NAV2: variants seen among roughly 807,000 people sequenced by gnomAD.
The protein encoded by NAV2 is helicase, APC down-regulated 1.
A neutral mutation model predicts 223.2 loss-of-function variants in NAV2; 54 were observed. The observed-to-expected ratio is 0.24, with a 90% CI of 0.19 to 0.30. The LOEUF (loss-of-function observed/expected upper bound fraction) is 0.30, where lower values mean the gene tolerates loss of function less well. NAV2 is among the 10% of genes least tolerant of loss of function. The probability of loss-of-function intolerance (pLI) is 1.00; values close to 1 mark genes in which losing one functional copy is unlikely to be tolerated. For synonymous variants in NAV2, 1,279 were observed against 1,239.3 expected (o/e 1.03, Z -0.67); for missense variants, 2,806 against 3,147.5 (o/e 0.89, Z 2.60).
intron 6 of NAV2, among the ~76,000 whole-genome samples, chr11:19,906,969 G>A (rs1047887532): frequency 1.3e-5 from 2 of 152,088 alleles, no homozygotes; most frequent in Non-Finnish European, 2.9e-5. Context: ...GGACACCTGG[G>A]GTCTGGTCCC....
chr11:19,755,917 A>G lies in NAV2; in HGVS notation c.267+41955A>G, dbSNP rs764646098. Among the ~76,000 whole-genome samples, 98 of 152,228 alleles carry G rather than the reference A, an allele frequency of 6.4e-4. 1 individual carries two copies. Among genetic ancestry groups the G allele is most frequent in the Non-Finnish European group, 2.8e-4 (19 of 68,040 alleles). On this transcript the variant is annotated intron_variant, in intron 1 of 37. Transcript: ENST00000349880. The stretch of plus-strand genomic sequence containing the variant: ...TGGACAGGACAACCACCTTACATAT[A>G]GAAATGGTCCAGCGGCAGCAGGCTG...
intron 3 of NAV2, among the ~76,000 whole-genome samples, chr11:19,853,088 G>T (rs183526909): frequency 6.6e-6 from 1 of 152,204 alleles, no homozygotes; most frequent in Non-Finnish European, 1.5e-5. Flanking sequence ...TTATATGTGA[G>T]AGGCACCTGG....
intron 3 of NAV2, among the ~76,000 whole-genome samples, chr11:19,867,460 C>T (rs935017337): frequency 9.9e-5 from 15 of 152,194 alleles, no homozygotes; most frequent in Admixed American, 6.5e-4. Flanking sequence ...TGGTCATCCA[C>T]GGGGCTGGAC....
chr11:19,923,291 G>T (rs142949568), intron 6 of NAV2, among the ~76,000 whole-genome samples: 1 of 152,030 alleles, frequency 6.6e-6, no homozygotes, highest in Non-Finnish European at 1.5e-5. Flanking sequence ...TCAGTTCCCT[G>T]GCAAAAATAC....
intron 3 of NAV2, among the ~76,000 whole-genome samples, chr11:19,861,075 A>G (rs2061752053): frequency 6.8e-6 from 1 of 146,622 alleles, no homozygotes. Flanking sequence ...GGAGAGGGCC[A>G]AAGTCATATT....
intron 1 of NAV2, among the ~76,000 whole-genome samples, chr11:19,579,616 A>C (rs1271767876): frequency 6.6e-6 from 1 of 152,234 alleles, no homozygotes; most frequent in African/African-American, 2.4e-5. Flanking sequence ...GATAGGAAGG[A>C]AATAGACACT....
In NAV2 at chr11:20,103,437, C is replaced by T. The variant is rs756460723; in HGVS notation, c.6572+28C>T. Reference sequence around the variant, plus strand: ...AAAGGCTGGTTCTGGACCTCATAGCCCCCCGGGAGAGAGTGCTGCCAGCTG... The same window carrying T: ...AAAGGCTGGTTCTGGACCTCATAGCTCCCCGGGAGAGAGTGCTGCCAGCTG... On this transcript the variant is annotated intron_variant, in intron 33 of 37. Transcript: ENST00000349880. 3 of 1,604,770 alleles carry T rather than the reference C, an allele frequency of 1.9e-6. No individual in the cohort carries two copies. The South Asian group carries it at 3.4e-5, about 18-fold the overall frequency.
chr11:19,842,724 G>T, intron 2 of NAV2, 147 bp from the exon 3 acceptor site: 1 of 617,442 alleles, frequency 1.6e-6, no homozygotes, highest in Non-Finnish European at 2.9e-6. Flanking sequence ...AAGCTTGCTA[G>T]ATGTGTCTCA....
At chr11:19,502,939 T>C (rs913697505) in intron 1 of NAV2, 4 of 152,204 alleles carry the variant, frequency 2.6e-5, no homozygotes, top group Non-Finnish European at 5.9e-5. Context: ...TTAGTTGAAG[T>C]AGGCATGGAA....
chr11:19,532,767 C>T (rs1053008368), intron 1 of NAV2, among the ~76,000 whole-genome samples: 2 of 152,196 alleles, frequency 1.3e-5, no homozygotes, highest in Non-Finnish European at 2.9e-5. Flanking sequence ...AGCCCAAGGG[C>T]AACCCCTTCT....
At chr11:19,982,326 GGCACGATCTCGGCTCACTGCAACCTCCA>G (rs1019457575) in intron 10 of NAV2, among the ~76,000 whole-genome samples, 2 of 151,946 alleles carry the variant, frequency 1.3e-5, no homozygotes, top group Non-Finnish European at 2.9e-5. Context: ...GGAGAGCAGT[GGCACGATCTCGGCTCACTGCAACCTCCA>G]CCTCCCGGGT....
chr11:19,527,105 T>A (rs1389097592), intron 1 of NAV2, among the ~76,000 whole-genome samples: 2 of 151,932 alleles, frequency 1.3e-5, no homozygotes, highest in Non-Finnish European at 2.9e-5. Context: ...CCAAATCTCG[T>A]CTTGAATTGT....
intron 1 of NAV2, among the ~76,000 whole-genome samples, chr11:19,461,358 AG>A (rs1385608231): frequency 2.0e-5 from 3 of 152,212 alleles, no homozygotes; most frequent in African/African-American, 2.4e-5. Context: ...TAACTTTCGG[AG>A]GGATTTCCTA....
intron 5 of NAV2, among the ~76,000 whole-genome samples, chr11:19,891,641 A>G (rs1330298113): frequency 6.6e-6 from 1 of 152,232 alleles, no homozygotes; most frequent in Non-Finnish European, 1.5e-5. Context: ...GAGACAGGTC[A>G]TCAGGTGTTG....
chr11:19,844,826 T>G (rs994396831), intron 3 of NAV2, among the ~76,000 whole-genome samples: 1 of 150,342 alleles, frequency 6.7e-6, no homozygotes, highest in African/African-American at 2.5e-5. Flanking sequence ...CTGTGTGTTT[T>G]TTTTTTTTTT....
At chr11:19,672,707 C>G (rs953912521) in intron 1 of NAV2, among the ~76,000 whole-genome samples, 2 of 152,114 alleles carry the variant, frequency 1.3e-5, no homozygotes, top group African/African-American at 4.8e-5. Context: ...TAAGAGATGA[C>G]GCAAGCTGGC....
At chr11:19,541,632 C>T (rs1012953950) in intron 1 of NAV2, among the ~76,000 whole-genome samples, 3 of 152,172 alleles carry the variant, frequency 2.0e-5, no homozygotes, top group Admixed American at 1.3e-4. Context: ...ATCTTTTTGA[C>T]CCACTTGAGA....
intron 10 of NAV2, among the ~76,000 whole-genome samples, chr11:19,950,537 C>G (rs1428289498): frequency 6.6e-6 from 1 of 152,232 alleles, no homozygotes; most frequent in Non-Finnish European, 1.5e-5. Context: ...TTTGATTTTT[C>G]TCTGTTCTAC....
intron 1 of NAV2, among the ~76,000 whole-genome samples, chr11:19,392,557 G>A (rs2729857): frequency 0.93 from 141,421 of 152,138 alleles, 66,575 homozygotes; most frequent in East Asian, 1. Flanking sequence ...GCTGGATCCA[G>A]GAGGGAGCAT....
Sources: allele counts gnomAD v4.1 joint callset (sites outside exome capture counted in the v4.1 genomes callset), GRCh38; gene constraint gnomAD v4.1.1; transcripts MANE v1.5; gene names NCBI Gene and HGNC (gene_info 2026-07-23, HGNC 2026-07-21).